TENM4: variants seen among roughly 807,000 people sequenced by gnomAD.
TENM4 encodes the protein teneurin transmembrane protein 4.
A neutral mutation model predicts 243.3 loss-of-function variants in TENM4; 82 were observed. That is an observed-to-expected ratio of 0.34 (90% confidence interval 0.28 to 0.40). The LOEUF is 0.40. TENM4 is among the 10% of genes least tolerant of loss of function. The pLI is 1.00. For missense variants in TENM4, 3,138 were observed against 3,673.3 expected (o/e 0.85, Z 3.77); for synonymous variants, 1,412 against 1,456.3 (o/e 0.97, Z 0.69).
chr11:79,185,226 G>A (rs920200331), intron 3 of TENM4, among the ~76,000 whole-genome samples: 9 of 152,166 alleles, frequency 5.9e-5, no homozygotes, highest in Admixed American at 5.9e-4. Flanking sequence ...TGAGCCCTGA[G>A]TGTTGAGGCT....
At chr11:79,010,377 A>G (rs898977784) in intron 6 of TENM4, among the ~76,000 whole-genome samples, 1 of 152,220 alleles carries the variant, frequency 6.6e-6, no homozygotes, top group Non-Finnish European at 1.5e-5. Flanking sequence ...ACTGGGGCTC[A>G]GAGGAGACTT....
At chr11:78,842,091 T>A (rs1858271070) in intron 12 of TENM4, among the ~76,000 whole-genome samples, 1 of 152,144 alleles carries the variant, frequency 6.6e-6, no homozygotes, top group Non-Finnish European at 1.5e-5. Context: ...TGTCTCAAAT[T>A]CAGAGCTATC....
At chr11:79,233,465 G>T (rs548329076) in intron 2 of TENM4, among the ~76,000 whole-genome samples, 1 of 152,300 alleles carries the variant, frequency 6.6e-6, no homozygotes, top group South Asian at 2.1e-4. Context: ...GGAAGGAGGA[G>T]GGGACTTGAG....
chr11:79,144,893 T>A (rs1862368652), intron 4 of TENM4, among the ~76,000 whole-genome samples: 2 of 152,044 alleles, frequency 1.3e-5, no homozygotes, highest in South Asian at 4.1e-4. Context: ...CAGTCAACAA[T>A]AATTTATTGT....
chr11:78,742,360 T>C (rs1294392476), intron 19 of TENM4, among the ~76,000 whole-genome samples: 1 of 152,190 alleles, frequency 6.6e-6, no homozygotes, highest in Non-Finnish European at 1.5e-5. Flanking sequence ...TTAATCTTAC[T>C]ACTGTGTTAT....
chr11:79,370,779 T>TAAAAAA (rs544196671), intron 1 of TENM4, among the ~76,000 whole-genome samples: 1,116 of 57,090 alleles, frequency 0.02, 66 homozygotes, highest in South Asian at 0.026. Flanking sequence ...ACTCCTATGG[T>TAAAAAA]AAAAAAAAAA....
intron 22 of TENM4, among the ~76,000 whole-genome samples, chr11:78,726,953 C>T (rs1855525549): frequency 6.6e-6 from 1 of 152,190 alleles, no homozygotes; most frequent in Non-Finnish European, 1.5e-5. Context: ...CACAAGTCTT[C>T]ACCACATTAT....
At chr11:79,161,768 T>C (rs540887148) in intron 3 of TENM4, among the ~76,000 whole-genome samples, 36 of 152,308 alleles carry the variant, frequency 2.4e-4, no homozygotes, top group African/African-American at 8.4e-4. Flanking sequence ...AACCTTTATC[T>C]TGTGGTCAGT....
At chr11:78,745,227 C>CTTTTTTTTTTTTTTT (rs1783943) in intron 19 of TENM4, among the ~76,000 whole-genome samples, 4 of 128,062 alleles carry the variant, frequency 3.1e-5, no homozygotes, top group Non-Finnish European at 5.0e-5. Context: ...TTTTCTTTTT[C>CTTTTTTTTTTTTTTT]TTTTTTTTTT....
rs545137955 is a variant in TENM4 at position 79,109,591 on chromosome 11, G to C, written c.-66+39119C>G. On this transcript the variant is annotated intron_variant, in intron 4 of 33. Coordinates refer to ENST00000278550, the MANE Select transcript of TENM4 (RefSeq NM_001098816.3). The stretch of plus-strand genomic sequence containing the variant: ...GGTTCAAATCCCAGCCCACGCAAGC[G>C]AGCCAGGCAAGCTGGAGAACCCCTC... Among the ~76,000 whole-genome samples, 43 of 152,312 alleles carry C rather than the reference G, an allele frequency of 2.8e-4. No homozygotes were observed. In the East Asian group the frequency reaches 5.8e-3, roughly 21 times the overall value.
chr11:78,802,914 A>G (rs1297869299), intron 15 of TENM4, among the ~76,000 whole-genome samples: 1 of 152,208 alleles, frequency 6.6e-6, no homozygotes. Context: ...TTCATCTTCC[A>G]TCTTATAATC....
chr11:79,067,850 T>C (rs1860304747), intron 5 of TENM4: 1 of 152,226 alleles, frequency 6.6e-6, no homozygotes, highest in Non-Finnish European at 1.5e-5. Flanking sequence ...TGTGCAATCT[T>C]GGGCTTGTGA....
At chr11:78,913,431 G>T (rs1331518076) in intron 6 of TENM4, among the ~76,000 whole-genome samples, 1 of 152,110 alleles carries the variant, frequency 6.6e-6, no homozygotes, top group Non-Finnish European at 1.5e-5. Flanking sequence ...CTACCTCAAG[G>T]CAGAATTTGT....
chr11:78,734,769 C>G (rs532988189), intron 20 of TENM4, among the ~76,000 whole-genome samples: 9 of 152,284 alleles, frequency 5.9e-5, no homozygotes, highest in African/African-American at 2.2e-4. Context: ...ACTGTCATTG[C>G]TTGTTGAGCT....
intron 12 of TENM4, among the ~76,000 whole-genome samples, chr11:78,833,876 T>C (rs1401021255): frequency 6.6e-6 from 1 of 152,208 alleles, no homozygotes; most frequent in Non-Finnish European, 1.5e-5. Flanking sequence ...AGGTTATTCA[T>C]CTTCAGGCTC....
At chr11:78,799,063 G>T (rs532110466) in intron 15 of TENM4, among the ~76,000 whole-genome samples, 1 of 152,154 alleles carries the variant, frequency 6.6e-6, no homozygotes, top group Non-Finnish European at 1.5e-5. Context: ...ATGTGTCAGC[G>T]TGGGAGCAGG....
intron 15 of TENM4, among the ~76,000 whole-genome samples, chr11:78,799,116 C>T (rs1274952602): frequency 6.6e-6 from 1 of 152,138 alleles, no homozygotes; most frequent in African/African-American, 2.4e-5. Context: ...AGGTTGTGCT[C>T]TTCTCTGGAA....
At chr11:78,920,409 G>A (rs1006954611) in intron 6 of TENM4, among the ~76,000 whole-genome samples, 3 of 152,110 alleles carry the variant, frequency 2.0e-5, no homozygotes, top group Admixed American at 6.5e-5. Flanking sequence ...TAATATTAAC[G>A]TCCATTTCCA....
intron 9 of TENM4, among the ~76,000 whole-genome samples, chr11:78,884,009 A>G (rs1855492874): frequency 6.6e-6 from 1 of 152,266 alleles, no homozygotes; most frequent in Admixed American, 6.5e-5. Flanking sequence ...TGAGATGCTA[A>G]TAATTCTAAT....
Sources: gnomAD v4.1 joint callset for allele counts (sites outside exome capture counted in the v4.1 genomes callset) on GRCh38, gnomAD v4.1.1 for gene constraint, MANE v1.5 for transcripts, NCBI Gene and HGNC (gene_info 2026-07-23, HGNC 2026-07-21) for gene names.